Variants in SLC38A9 observed in about 807,000 individuals in gnomAD.
SLC38A9 encodes neutral amino acid transporter 9.
Under a neutral mutation model 62.3 loss-of-function variants are expected in SLC38A9, and 48 were observed. The observed-to-expected ratio is 0.77, with a 90% CI of 0.61 to 0.98. The LOEUF is 0.98. Among genes scored for constraint, SLC38A9 ranks in the 50% least tolerant of loss-of-function variants. The probability of loss-of-function intolerance (pLI) is 0.00; values close to 1 mark genes in which losing one functional copy is unlikely to be tolerated. For missense variants in SLC38A9, 541 were observed against 679.8 expected (o/e 0.80, Z 2.27); for synonymous variants, 204 against 227.7 (o/e 0.90, Z 0.94).
chr5:55,649,129 C>A, intron 11 of SLC38A9, 78 bp downstream of exon 11: 1 of 692,992 alleles, frequency 1.4e-6, no homozygotes, highest in Non-Finnish European at 2.2e-6. Flanking sequence ...AAAAAAAAAT[C>A]ATTACTTGTT....
intron 13 of SLC38A9, chr5:55,635,336 G>T (rs961612275): frequency 1.0e-5 from 6 of 585,352 alleles, no homozygotes; most frequent in Admixed American, 2.9e-5. Flanking sequence ...ATCAAATGGG[G>T]GTACTTATTA....
chr5:55,658,468 A>T (rs143041406), intron 8 of SLC38A9, among the ~76,000 whole-genome samples: 61 of 152,298 alleles, frequency 4.0e-4, no homozygotes, highest in Admixed American at 1.2e-3. Context: ...TTATAGGAAG[A>T]GGGAAATTTG....
intron 3 of SLC38A9, chr5:55,693,000 C>A (rs1022469930): frequency 4.1e-6 from 4 of 984,088 alleles, no homozygotes; most frequent in Middle Eastern, 1.0e-3. Context: ...TAAGTATGTG[C>A]GAATGAAAAT....
At chr5:55,680,509 T>C (rs904469554) in intron 3 of SLC38A9, among the ~76,000 whole-genome samples, 1 of 152,226 alleles carries the variant, frequency 6.6e-6, no homozygotes, top group Admixed American at 6.5e-5. Flanking sequence ...TAGCTTGTTC[T>C]TCAGCTCTTC....
In SLC38A9 at chr5:55,669,563, T is replaced by C; in HGVS notation, c.426A>G (p.Ile142Met). 6.2e-7 allele frequency: 1 copy of C among 1,606,156 alleles called. No individual in the cohort carries two copies. Among genetic ancestry groups the C allele is most frequent in the Non-Finnish European group, 8.5e-7 (1 of 1,176,262 alleles). ...GTSILSIPWG[I>M]KQAGFTTGMC... ...GCTGAAAAATTAGTATTACCTGTTT[T>C]ATGCCCCAAGGAATGCTTAGTATAG... The change falls in exon 6 of 16, where the codon ATA becomes ATG. Residue 142 changes from isoleucine (I) to methionine (M), a missense_variant. Coordinates refer to ENST00000396865, the MANE Select transcript of SLC38A9 (RefSeq NM_173514.4).
Position 55,669,653 on chromosome 5 carries a change from G to A in SLC38A9, c.369-33C>T, listed in dbSNP as rs201506371. The A allele has an allele frequency of 3.5e-4, 559 of 1,592,704 alleles. 4 individuals carry two copies. In the East Asian group the frequency reaches 9.9e-3, roughly 28 times the overall value. ...CACAGAGTAATAGCAGTAAAAAAAT[G>A]GAGTTTCACTCTTCAAACATTTTAA... On this transcript the variant is annotated intron_variant, in intron 5 of 15. Transcript: ENST00000396865.
intron 3 of SLC38A9, among the ~76,000 whole-genome samples, chr5:55,688,937 G>A (rs1029586000): frequency 6.6e-6 from 1 of 152,086 alleles, no homozygotes; most frequent in Non-Finnish European, 1.5e-5. Flanking sequence ...GACAATTTAA[G>A]AGAAGTAAAA....
intron 12 of SLC38A9, among the ~76,000 whole-genome samples, chr5:55,643,006 C>T (rs1311268807): frequency 6.6e-6 from 1 of 152,220 alleles, no homozygotes; most frequent in Non-Finnish European, 1.5e-5. Flanking sequence ...ATTTCAGTAA[C>T]AACTGTATAG....
Position 55,706,930 on chromosome 5 carries a change from A to G in SLC38A9, c.-35+4522T>C, listed in dbSNP as rs189710666. Among the ~76,000 whole-genome samples, 660 of 151,540 alleles carry G rather than the reference A, an allele frequency of 4.4e-3. 4 individuals carry two copies. The highest frequency in any genetic ancestry group is 0.015 in the African/African-American group (621 of 41,302). ...TCGTTGCTCCTGAGAATTTCAGGTG[A>G]CAACAGATATGCTTTCTTTTTTTTT... is the stretch of plus-strand genomic sequence containing the variant. On this transcript the variant is annotated intron_variant, in intron 2 of 15. Transcript: ENST00000396865.
chr5:55,680,999 C>G (rs904700676), intron 3 of SLC38A9, among the ~76,000 whole-genome samples: 2 of 152,076 alleles, frequency 1.3e-5, no homozygotes, highest in Non-Finnish European at 2.9e-5. Context: ...GAAAGTTTTA[C>G]AAACTAAATA....
intron 8 of SLC38A9, among the ~76,000 whole-genome samples, chr5:55,657,490 G>T (rs1580202410): frequency 6.8e-6 from 1 of 147,468 alleles, no homozygotes; most frequent in African/African-American, 2.5e-5. Flanking sequence ...GAAAATCAAA[G>T]TTTTTTTTTT....
chr5:55,692,651 T>C lies in SLC38A9; in HGVS notation c.113+5195A>G, dbSNP rs191055979. On this transcript the variant is annotated intron_variant, in intron 3 of 15. Coordinates refer to ENST00000396865, the MANE Select transcript of SLC38A9 (RefSeq NM_173514.4). ...CCTCTCATTTCAACAAGTTTCATTA[T>C]AGAAAATATATTGCCATTTAATCTA... The C allele has an allele frequency of 5.1e-6, 5 of 985,336 alleles. No individual in the cohort carries two copies. The East Asian group carries it at 3.4e-4, about 67-fold the overall frequency. The allele number at this position is 985,336 out of a possible 1,614,324, so 61.0% of individuals were successfully genotyped here.
chr5:55,665,362 A>G (rs1303003714), intron 7 of SLC38A9, among the ~76,000 whole-genome samples: 1 of 152,058 alleles, frequency 6.6e-6, no homozygotes, highest in Non-Finnish European at 1.5e-5. Flanking sequence ...CCTGGCCAAC[A>G]TGGTGAAACC....
intron 3 of SLC38A9, among the ~76,000 whole-genome samples, chr5:55,680,198 G>A (rs1580323684): frequency 6.9e-6 from 1 of 145,748 alleles, no homozygotes; most frequent in Non-Finnish European, 1.5e-5. Context: ...AGACAGTAAA[G>A]GTTTCAGTGT....
At position 55,649,322 on chromosome 5, in the gene SLC38A9, G is replaced by GA; in HGVS notation, c.953-9dup. 2.0e-6 allele frequency: 3 copies of GA among 1,505,020 alleles called. No homozygotes were observed. Among genetic ancestry groups the GA allele is most frequent in the South Asian group, 2.6e-5 (2 of 77,034 alleles). The allele number at this position is 1,505,020 out of a possible 1,614,324, so 93.2% of individuals were successfully genotyped here. A position where few individuals can be genotyped will look rare whatever the true frequency, so the allele number is the denominator to read the frequency against. On this transcript the variant is annotated splice_polypyrimidine_tract_variant and intron_variant, in intron 10 of 15. Transcript: ENST00000396865. The stretch of plus-strand genomic sequence containing the variant: ...AAAGGACAGACACTGTGCCTGTGAG[G>GA]AAAAAATTCAGAAACCATTTATTAT...
At position 55,645,856 on chromosome 5, in the gene SLC38A9, G is replaced by T. The variant is rs1746243259; in HGVS notation, c.1100C>A (p.Thr367Asn). 9 of 1,611,896 alleles carry T rather than the reference G, an allele frequency of 5.6e-6. No homozygotes were observed. Among genetic ancestry groups the T allele is most frequent in the African/African-American group, 1.3e-5 (1 of 74,818 alleles). Residue 367 changes from threonine to asparagine, a missense_variant, in exon 12 of 16, where the codon ACC becomes AAC. Coordinates refer to ENST00000396865, the MANE Select transcript of SLC38A9 (RefSeq NM_173514.4). ...ACAATTATGAATAAAAAAAGCAAGG[G>T]TAAGCACTCCAGTCAGCTGTGGAAA... ...FQFPQLTGVLTLAFFIHNCII... is the reference protein window; with the variant it reads ...FQFPQLTGVLNLAFFIHNCII...
At chr5:55,667,978 T>C (rs1001461538) in intron 7 of SLC38A9, among the ~76,000 whole-genome samples, 3 of 152,108 alleles carry the variant, frequency 2.0e-5, no homozygotes, top group African/African-American at 7.2e-5. Flanking sequence ...CGAGACCAAC[T>C]TGAGCAACAT....
At chr5:55,681,276 C>T (rs114089209) in intron 3 of SLC38A9, among the ~76,000 whole-genome samples, 1 of 152,072 alleles carries the variant, frequency 6.6e-6, no homozygotes. Flanking sequence ...AAAATGTAAA[C>T]ATTTTAATAT....
At chr5:55,708,223 G>A (rs915038971) in intron 2 of SLC38A9, among the ~76,000 whole-genome samples, 5 of 152,108 alleles carry the variant, frequency 3.3e-5, no homozygotes, top group African/African-American at 7.2e-5. Flanking sequence ...TCAGCTACTC[G>A]GGAGGCTGAG....
Sources: allele counts gnomAD v4.1 joint callset (sites outside exome capture counted in the v4.1 genomes callset), GRCh38; gene constraint gnomAD v4.1.1; transcripts MANE v1.5; gene names NCBI Gene and HGNC (gene_info 2026-07-23, HGNC 2026-07-21).